Variants in COBL observed in about 807,000 individuals in gnomAD.
COBL encodes the protein cordon-bleu WH2 repeat protein.
A neutral mutation model predicts 98.8 loss-of-function variants in COBL; 51 were observed. That is an observed-to-expected ratio of 0.52 (90% CI 0.41 to 0.65). The LOEUF is 0.65. COBL is among the 30% of genes least tolerant of loss of function. COBL has a pLI of 0.00. For synonymous variants in COBL, 634 were observed against 651.7 expected (o/e 0.97, Z 0.41); for missense variants, 1,617 against 1,617.5 (o/e 1.00, Z 0.01).
chr7:51,234,275 G>T (rs1795027744), intron 1 of COBL, among the ~76,000 whole-genome samples: 1 of 152,232 alleles, frequency 6.6e-6, no homozygotes, highest in Admixed American at 6.5e-5. Flanking sequence ...GCACTGCTGA[G>T]CAACCATGTG....
chr7:51,122,113 A>T (rs183581040), intron 6 of COBL, among the ~76,000 whole-genome samples: 1 of 152,306 alleles, frequency 6.6e-6, no homozygotes, highest in African/African-American at 2.4e-5. Flanking sequence ...ATACAATGTC[A>T]CACTCTAGTG....
intron 2 of COBL, among the ~76,000 whole-genome samples, chr7:51,213,505 C>G (rs1189175608): frequency 6.6e-6 from 1 of 152,152 alleles, no homozygotes; most frequent in Non-Finnish European, 1.5e-5. Flanking sequence ...TGCCAAAAAG[C>G]TTGTGGCCCA....
chr7:51,308,863 G>C lies in COBL; in HGVS notation c.41+7730C>G, dbSNP rs547920090. ...GTCAGCACCCCGATGTGTTGCAGAT[G>C]CAAAGTCCTGTTTACCACTGGCCTT... On this transcript the variant is annotated intron_variant, in intron 1 of 12. Transcript: ENST00000265136. Among the ~76,000 whole-genome samples the C allele has an allele frequency of 7.2e-5, 11 of 152,316 alleles. No homozygotes were observed. The South Asian group carries it at 8.3e-4, about 11-fold the overall frequency.
intron 2 of COBL, among the ~76,000 whole-genome samples, chr7:51,201,322 G>C (rs956349510): frequency 6.6e-6 from 1 of 151,782 alleles, no homozygotes; most frequent in Non-Finnish European, 1.5e-5. Flanking sequence ...ATAAAATAGG[G>C]TTTAAGTCAA....
intron 2 of COBL, among the ~76,000 whole-genome samples, chr7:51,213,412 T>A (rs969461551): frequency 2.0e-5 from 3 of 152,204 alleles, no homozygotes; most frequent in African/African-American, 7.2e-5. Flanking sequence ...AACCTAGTGA[T>A]ACACATAATG....
At chr7:51,223,569 T>C (rs1309969895) in intron 1 of COBL, among the ~76,000 whole-genome samples, 3 of 152,192 alleles carry the variant, frequency 2.0e-5, no homozygotes, top group African/African-American at 7.2e-5. Context: ...TCCTCCACTC[T>C]TCTGGCAATT....
At chr7:51,113,141 G>A (rs1796985518) in intron 6 of COBL, among the ~76,000 whole-genome samples, 1 of 152,298 alleles carries the variant, frequency 6.6e-6, no homozygotes, top group Non-Finnish European at 1.5e-5. Flanking sequence ...CACCCAGGAT[G>A]ACAGCTCATT....
intron 2 of COBL, among the ~76,000 whole-genome samples, chr7:51,209,437 A>C (rs1164119753): frequency 1.3e-5 from 2 of 152,122 alleles, no homozygotes; most frequent in Non-Finnish European, 2.9e-5. Flanking sequence ...ACCCTCCAGA[A>C]CCCCACAGCG....
intron 7 of COBL, among the ~76,000 whole-genome samples, chr7:51,048,274 A>C (rs781385456): frequency 6.6e-6 from 1 of 152,180 alleles, no homozygotes; most frequent in Non-Finnish European, 1.5e-5. Context: ...GAAAATTTCC[A>C]TCATGAGTTC....
chr7:51,032,912 A>G (rs554023195), intron 8 of COBL: 4 of 152,366 alleles, frequency 2.6e-5, no homozygotes, highest in Non-Finnish European at 4.4e-5. Context: ...GGAAAGATGG[A>G]AAACTTTTTA....
At chr7:51,074,543 C>T (rs1402028692) in intron 7 of COBL, among the ~76,000 whole-genome samples, 1 of 152,146 alleles carries the variant, frequency 6.6e-6, no homozygotes, top group East Asian at 1.9e-4. Context: ...TGCCTTATTT[C>T]TGGGAAGGAC....
At chr7:51,048,385 G>A (rs1789921916) in intron 7 of COBL, among the ~76,000 whole-genome samples, 1 of 151,816 alleles carries the variant, frequency 6.6e-6, no homozygotes, top group Non-Finnish European at 1.5e-5. Context: ...TGTTTAATAT[G>A]CCATTTACAA....
chr7:51,048,022 C>T (rs1399409428), intron 7 of COBL, among the ~76,000 whole-genome samples: 1 of 152,170 alleles, frequency 6.6e-6, no homozygotes, highest in African/African-American at 2.4e-5. Flanking sequence ...CAAAAAATAG[C>T]GAGGTGTGGT....
At chr7:51,225,159 C>A (rs147669480) in intron 1 of COBL, among the ~76,000 whole-genome samples, 1 of 152,188 alleles carries the variant, frequency 6.6e-6, no homozygotes, top group African/African-American at 2.4e-5. Flanking sequence ...AAACAGAAAA[C>A]GCCTGGCTTC....
chr7:51,232,608 G>A (rs1210654689), intron 1 of COBL, among the ~76,000 whole-genome samples: 2 of 152,114 alleles, frequency 1.3e-5, no homozygotes, highest in African/African-American at 4.8e-5. Context: ...TCAGGAGATC[G>A]AGACCATCCT....
intron 2 of COBL, among the ~76,000 whole-genome samples, chr7:51,198,060 T>C (rs904117318): frequency 1.3e-5 from 2 of 152,212 alleles, no homozygotes; most frequent in Non-Finnish European, 2.9e-5. Flanking sequence ...GTTATCATGA[T>C]GTTAGCTGGT....
intron 6 of COBL, among the ~76,000 whole-genome samples, chr7:51,102,787 A>G (rs1013881833): frequency 6.6e-6 from 1 of 152,204 alleles, no homozygotes; most frequent in Non-Finnish European, 1.5e-5. Flanking sequence ...GGGTCTCCTC[A>G]GTGCCAAGGC....
At chr7:51,109,712 C>T (rs1025030671) in intron 6 of COBL, among the ~76,000 whole-genome samples, 4 of 152,142 alleles carry the variant, frequency 2.6e-5, no homozygotes, top group Non-Finnish European at 5.9e-5. Context: ...CTGTTCTCCA[C>T]AAAGGAAGGG....
In COBL at chr7:51,295,470, G is replaced by A. The variant is rs543017430; in HGVS notation, c.41+21123C>T. ...AAAAAAAATACTGCCCAATTAACTG[G>A]GACCAATGAAATAATCTTGCAAATG... On this transcript the variant is annotated intron_variant, in intron 1 of 12. Coordinates refer to ENST00000265136, the MANE Select transcript of COBL (RefSeq NM_015198.5). Among the ~76,000 whole-genome samples, 5 of 152,198 alleles carry A rather than the reference G, an allele frequency of 3.3e-5. No individual in the cohort carries two copies. The East Asian group carries it at 9.6e-4, about 29-fold the overall frequency.
Sources: gnomAD v4.1 joint callset for allele counts (sites outside exome capture counted in the v4.1 genomes callset) on GRCh38, gnomAD v4.1.1 for gene constraint, MANE v1.5 for transcripts, NCBI Gene and HGNC (gene_info 2026-07-23, HGNC 2026-07-21) for gene names.